The following KHDC4 variants were observed in gnomAD, a reference collection of about 807,000 sequenced individuals.
The protein encoded by KHDC4 is KH homology domain-containing protein 4.
Under a neutral mutation model 74.5 loss-of-function variants are expected in KHDC4, and 19 were observed. The ratio of observed to expected loss-of-function variants is 0.26; its 90% CI spans 0.18 to 0.37. The LOEUF (loss-of-function observed/expected upper bound fraction) is 0.37. Among genes scored for constraint, KHDC4 ranks in the 10% least tolerant of loss-of-function variants. KHDC4 has a pLI of 1.00. For synonymous variants in KHDC4, 253 were observed against 266.1 expected (o/e 0.95, Z 0.48); for missense variants, 632 against 754.1 (o/e 0.84, Z 1.90).
intron 2 of KHDC4, among the ~76,000 whole-genome samples, chr1:155,930,251 T>C (rs1674112590): frequency 6.6e-6 from 1 of 152,178 alleles, no homozygotes; most frequent in Non-Finnish European, 1.5e-5. Flanking sequence ...ACAACTATCC[T>C]TTCCCAAGTC....
At chr1:155,927,831 A>ACCACACAC (rs1553231136) in intron 4 of KHDC4, among the ~76,000 whole-genome samples, 11 of 28,514 alleles carry the variant, frequency 3.9e-4, no homozygotes, top group African/African-American at 1.0e-3. Flanking sequence ...AAAAAAAAAA[A>ACCACACAC]CCACACACAC....
chr1:155,930,392 T>G (rs902251730), intron 2 of KHDC4, among the ~76,000 whole-genome samples: 7 of 152,318 alleles, frequency 4.6e-5, no homozygotes, highest in African/African-American at 1.7e-4. Context: ...TCAATCTGCT[T>G]GAAGGCCACA....
chr1:155,930,423 T>A (rs1674116946), intron 2 of KHDC4, among the ~76,000 whole-genome samples: 1 of 152,224 alleles, frequency 6.6e-6, no homozygotes, highest in South Asian at 2.1e-4. Context: ...CTCTGTGACC[T>A]TGGCCCTATG....
chr1:155,933,174 ATGTATT>A (rs1674180017), intron 2 of KHDC4, among the ~76,000 whole-genome samples: 1 of 152,228 alleles, frequency 6.6e-6, no homozygotes, highest in Non-Finnish European at 1.5e-5. Context: ...CCTCGTAAAT[ATGTATT>A]TGTAACAAAA....
chr1:155,932,717 T>G (rs905034697), intron 2 of KHDC4: 1 of 152,088 alleles, frequency 6.6e-6, no homozygotes, highest in Non-Finnish European at 1.5e-5. Context: ...TCCCAGCACT[T>G]TGGGAGGCAG....
intron 4 of KHDC4, among the ~76,000 whole-genome samples, chr1:155,928,444 T>C (rs1674069345): frequency 6.6e-6 from 1 of 152,122 alleles, no homozygotes; most frequent in Non-Finnish European, 1.5e-5. Context: ...TTATTTTGTG[T>C]AGTTTAAGCT....
At position 155,921,640 on chromosome 1, in the gene KHDC4, G is replaced by GA. The variant is rs1336871968; in HGVS notation, c.1013-13dup. On this transcript the variant is annotated splice_polypyrimidine_tract_variant and intron_variant, in intron 9 of 13. Coordinates refer to ENST00000368321, the MANE Select transcript of KHDC4 (RefSeq NM_014949.4). ...GGGTTGTGTATAGCCTGAGGGGGAA[G>GA]AAAAAAAGTGTTTAATCAGCTGCAG... 6.3e-7 allele frequency: 1 copy of GA among 1,591,742 alleles called. No homozygotes were observed. Among genetic ancestry groups the GA allele is most frequent in the Non-Finnish European group, 8.6e-7 (1 of 1,168,604 alleles).
chr1:155,933,821 G>A lies in KHDC4; in HGVS notation c.67C>T (p.Pro23Ser), dbSNP rs749868374. Residue 23 changes from proline (P) to serine (S), a missense_variant, in exon 2 of 14, where the codon CCA (proline) becomes TCA (serine). Physicochemically the swap from Pro to Ser is moderately conservative, Grantham distance 74. Transcript: ENST00000368321. ...GGCGGGAGGAAGAGAAGTGGGGCTGGAGCTGGTTGGTCCCATTTGCTGCGG... is the reference window on the plus strand; with the variant it reads ...GGCGGGAGGAAGAGAAGTGGGGCTGAAGCTGGTTGGTCCCATTTGCTGCGG... Reference protein sequence around the residue: ...GRRSKWDQPAPAPLLFLPPAA... With the variant: ...GRRSKWDQPASAPLLFLPPAA... The A allele has an allele frequency of 6.4e-5, 101 of 1,581,962 alleles. No individual in the cohort carries two copies. Among genetic ancestry groups the A allele is most frequent in the Non-Finnish European group, 8.3e-5 (97 of 1,162,366 alleles).
At position 155,927,031 on chromosome 1, in the gene KHDC4, G is replaced by C; in HGVS notation, c.517+73C>G. On this transcript the variant is annotated intron_variant, in intron 5 of 13. Coordinates refer to ENST00000368321, the MANE Select transcript of KHDC4 (RefSeq NM_014949.4). Reference sequence around the variant, plus strand: ...TTAGAACAGCCATCAGGGACACTTTGCCAACTTGCTATACAGAGCCCTGTA... The same window carrying C: ...TTAGAACAGCCATCAGGGACACTTTCCCAACTTGCTATACAGAGCCCTGTA... The C allele has an allele frequency of 3.4e-6, 5 of 1,459,018 alleles. No individual in the cohort carries two copies. The South Asian group carries it at 5.7e-5, about 17-fold the overall frequency. 90.4% of individuals were successfully genotyped at this position (1,459,018 alleles called of 1,614,324 possible).
chr1:155,922,665 C>A (rs1673891948), intron 8 of KHDC4, among the ~76,000 whole-genome samples: 1 of 152,188 alleles, frequency 6.6e-6, no homozygotes, highest in African/African-American at 2.4e-5. Flanking sequence ...AAGGAGCTCA[C>A]ATTTAGTAAG....
chr1:155,913,072 A>T lies in KHDC4; in HGVS notation c.*1049T>A, dbSNP rs1244631690. 1 of 152,648 alleles carries T rather than the reference A, an allele frequency of 6.6e-6. No homozygotes were observed. The highest frequency in any genetic ancestry group is 1.5e-5 in the Non-Finnish European group (1 of 68,042). The allele number at this position is 152,648 out of a possible 1,614,324, so 9.5% of individuals were successfully genotyped here. ...ATATTTATAGATTTATTTATAATGA[A>T]ATTATGGTCTAAATATTTACAACAT... On this transcript the variant is annotated 3_prime_UTR_variant, in exon 14 of 14. Transcript: ENST00000368321.
chr1:155,929,484 C>A lies in KHDC4; in HGVS notation c.385-109G>T, dbSNP rs189256103. On this transcript the variant is annotated intron_variant, in intron 3 of 13. Transcript: ENST00000368321. ...CAACCAAGTAAAGAAGGAAAGAATT[C>A]TCTCCTGTATCTGAAATTTTGATTC... is the stretch of plus-strand genomic sequence containing the variant. 152 of 1,068,970 alleles carry A rather than the reference C, an allele frequency of 1.4e-4. 1 individual carries two copies. In the East Asian group the frequency reaches 3.5e-3, roughly 25 times the overall value. 66.2% of individuals were successfully genotyped at this position (1,068,970 alleles called of 1,614,324 possible). A position where few individuals can be genotyped will look rare whatever the true frequency, so the allele number is the denominator to read the frequency against.
intron 2 of KHDC4, among the ~76,000 whole-genome samples, chr1:155,931,569 C>T (rs1455180337): frequency 6.6e-6 from 1 of 152,200 alleles, no homozygotes; most frequent in African/African-American, 2.4e-5. Context: ...GAACCACAGG[C>T]ATGCACCACA....
chr1:155,929,258 A>G (rs920996728), intron 4 of KHDC4, 38 bp downstream of exon 4: 7 of 1,433,112 alleles, frequency 4.9e-6, no homozygotes, highest in Non-Finnish European at 5.9e-6. Flanking sequence ...TGAGTCATAC[A>G]CCCAACCCTT....
intron 4 of KHDC4, among the ~76,000 whole-genome samples, chr1:155,928,070 A>G (rs1674057784): frequency 6.6e-6 from 1 of 151,974 alleles, no homozygotes; most frequent in Non-Finnish European, 1.5e-5. Context: ...ACACATATAG[A>G]AAGTTTAAAT....
chr1:155,928,342 C>G (rs1467199082), intron 4 of KHDC4, among the ~76,000 whole-genome samples: 1 of 151,528 alleles, frequency 6.6e-6, no homozygotes, highest in African/African-American at 2.4e-5. Context: ...CCATTGCACT[C>G]CAGCCTGGGC....
intron 10 of KHDC4, 70 bp from the exon 11 acceptor site, chr1:155,917,742 C>T (rs140676282): frequency 3.3e-6 from 4 of 1,223,570 alleles, no homozygotes; most frequent in East Asian, 5.2e-5. Flanking sequence ...ACAATGATTA[C>T]AATATACTTT....
chr1:155,922,820 C>CA (rs1038029476), intron 8 of KHDC4, among the ~76,000 whole-genome samples: 2 of 152,006 alleles, frequency 1.3e-5, no homozygotes, highest in African/African-American at 4.8e-5. Flanking sequence ...AAAAAACAAA[C>CA]AAAAAAACCA....
rs1572002330 is a variant in KHDC4 at position 155,913,913 on chromosome 1, A to G, written c.*208T>C. ...CTTCTGAGATAAATTTGTGATTCTA[A>G]TTAAATTTTAACAGATTCTATGCCA... On this transcript the variant is annotated 3_prime_UTR_variant, in exon 14 of 14. Coordinates refer to ENST00000368321, the MANE Select transcript of KHDC4 (RefSeq NM_014949.4). The G allele has an allele frequency of 3.6e-6, 2 of 560,048 alleles. No individual in the cohort carries two copies. Among genetic ancestry groups the G allele is most frequent in the East Asian group, 5.8e-5 (2 of 34,250 alleles). The allele number at this position is 560,048 out of a possible 1,614,324, so 34.7% of individuals were successfully genotyped here. A position where few individuals can be genotyped will look rare whatever the true frequency, so the allele number is the denominator to read the frequency against.
Sources: gnomAD v4.1 joint callset for allele counts (sites outside exome capture counted in the v4.1 genomes callset) on GRCh38, gnomAD v4.1.1 for gene constraint, MANE v1.5 for transcripts, NCBI Gene and HGNC (gene_info 2026-07-23, HGNC 2026-07-21) for gene names.